The following PLAC1 variants were observed in gnomAD, a reference collection of about 807,000 sequenced individuals.
The protein encoded by PLAC1 is placenta associated 1.
For synonymous variants in PLAC1, 68 were observed against 62.1 expected (o/e 1.09, Z -0.44); for missense variants, 136 against 163.2 (o/e 0.83, Z 0.91).
At chrX:134,662,553 T>C (rs1468754805), upstream of PLAC1, among the ~76,000 whole-genome samples, 1 of 112,137 alleles carries the variant, frequency 8.9e-6, no homozygotes, top group African/African-American at 3.2e-5. Flanking sequence ...TTCCCCACAG[T>C]CTGTTTTTGT....
chrX:134,736,425 G>A (rs2078703292), intron 1 of PLAC1, among the ~76,000 whole-genome samples: 1 of 111,042 alleles, frequency 9.0e-6, no homozygotes, highest in Admixed American at 9.6e-5. Context: ...GGGAAGTCTA[G>A]ACTGATCCAG....
chrX:134,754,546 G>A (rs1327637362), intron 1 of PLAC1, among the ~76,000 whole-genome samples: 1 of 110,739 alleles, frequency 9.0e-6, no homozygotes, highest in Non-Finnish European at 1.9e-5. Context: ...CAAGTAACTC[G>A]CTCAACTTCT....
chrX:134,597,533 T>A (rs767980475), intron 2 of PLAC1, among the ~76,000 whole-genome samples: 7 of 112,408 alleles, frequency 6.2e-5, no homozygotes. Flanking sequence ...CTTGGTATGA[T>A]GAATGATTTT....
chrX:134,707,657 T>C (rs1412233977), intron 2 of PLAC1, among the ~76,000 whole-genome samples: 1 of 111,430 alleles, frequency 9.0e-6, no homozygotes, highest in Non-Finnish European at 1.9e-5. Flanking sequence ...CAGAAACAAG[T>C]GATAGAAGGA....
intron 2 of PLAC1, among the ~76,000 whole-genome samples, chrX:134,581,969 A>G (rs184097226): frequency 8.9e-6 from 1 of 112,126 alleles, no homozygotes; most frequent in East Asian, 2.8e-4. Flanking sequence ...CCCAGGGATT[A>G]GCATTTTCAC....
intron 2 of PLAC1, among the ~76,000 whole-genome samples, chrX:134,572,967 G>A (rs1368279597): frequency 9.0e-6 from 1 of 111,518 alleles, no homozygotes; most frequent in Non-Finnish European, 1.9e-5. Context: ...CACAAATAAA[G>A]GTTGCAAAAT....
chrX:134,647,023 T>C (rs1403005480), intron 1 of PLAC1, among the ~76,000 whole-genome samples: 1 of 112,157 alleles, frequency 8.9e-6, no homozygotes, highest in African/African-American at 3.2e-5. Flanking sequence ...TTTCAGATAG[T>C]GAGCCATGTC....
At chrX:134,595,175 A>C (rs1052203500) in intron 2 of PLAC1, among the ~76,000 whole-genome samples, 2 of 110,886 alleles carry the variant, frequency 1.8e-5, no homozygotes, top group Non-Finnish European at 3.8e-5. Flanking sequence ...TTTTCCTGTT[A>C]TCTGTCTGTT....
intron 1 of PLAC1, among the ~76,000 whole-genome samples, chrX:134,602,684 A>C (rs943030717): frequency 3.6e-5 from 4 of 111,924 alleles, no homozygotes; most frequent in Admixed American, 9.5e-5. Context: ...GAATCTCAAA[A>C]TAGTTATACT....
chrX:134,692,810 C>T (rs1381572203), intron 2 of PLAC1, among the ~76,000 whole-genome samples: 1 of 111,324 alleles, frequency 9.0e-6, no homozygotes, highest in Non-Finnish European at 1.9e-5. Flanking sequence ...CTCTCTCTCT[C>T]CCCCCACACG....
intron 2 of PLAC1, among the ~76,000 whole-genome samples, chrX:134,573,999 T>C (rs2077923902): frequency 9.0e-6 from 1 of 110,978 alleles, no homozygotes; most frequent in Non-Finnish European, 1.9e-5. Flanking sequence ...TGCGTGCATA[T>C]CGGAGTAGGT....
At chrX:134,713,474 G>C (rs765699892) in intron 2 of PLAC1, among the ~76,000 whole-genome samples, 3 of 111,497 alleles carry the variant, frequency 2.7e-5, no homozygotes, top group Non-Finnish European at 3.8e-5. Flanking sequence ...CACAAAATAG[G>C]TACATTCATT....
chrX:134,572,407 C>T (rs1316226341), intron 2 of PLAC1, among the ~76,000 whole-genome samples: 1 of 112,101 alleles, frequency 8.9e-6, no homozygotes, highest in African/African-American at 3.2e-5. Context: ...AATTAAATAA[C>T]TGCTTTTGTA....
At position 134,612,322 on chromosome X, in the gene PLAC1, C is replaced by T. The variant is rs181569196; in HGVS notation, c.-130-10200G>A. Among the ~76,000 whole-genome samples, 37 of 112,169 alleles carry T rather than the reference C, an allele frequency of 3.3e-4. 1 individual carries two copies. In the East Asian group the frequency reaches 0.01, roughly 31 times the overall value. On this transcript the variant is annotated intron_variant, in intron 1 of 2. Coordinates refer to ENST00000359237, the MANE Select transcript of PLAC1 (RefSeq NM_021796.4). ...CAATAGTACCTCACTTTTAAGGACACTGTGAAGATTAAATGAGATTATGTA... is the reference window on the plus strand; with the variant it reads ...CAATAGTACCTCACTTTTAAGGACATTGTGAAGATTAAATGAGATTATGTA...
At chrX:134,700,040 C>G (rs975119579) in intron 2 of PLAC1, among the ~76,000 whole-genome samples, 19 of 111,386 alleles carry the variant, frequency 1.7e-4, no homozygotes. Context: ...AGGTTCCTGC[C>G]TCCTAATTTT....
chrX:134,746,067 G>A (rs971256910), intron 1 of PLAC1, among the ~76,000 whole-genome samples: 3 of 111,746 alleles, frequency 2.7e-5, no homozygotes, highest in Non-Finnish European at 5.6e-5. Context: ...CTTGAGAATT[G>A]AAGACTCACC....
chrX:134,590,520 A>G (rs17000650), intron 2 of PLAC1, among the ~76,000 whole-genome samples: 11,949 of 112,055 alleles, frequency 0.11, 652 homozygotes, highest in African/African-American at 0.19. Flanking sequence ...ATTTGCGATA[A>G]ATGATACAAG....
intron 1 of PLAC1, among the ~76,000 whole-genome samples, chrX:134,656,816 G>A (rs2078393859): frequency 9.0e-6 from 1 of 111,601 alleles, no homozygotes; most frequent in African/African-American, 3.3e-5. Flanking sequence ...TGAACTCCTG[G>A]GCTTAAGTAA....
intron 2 of PLAC1, among the ~76,000 whole-genome samples, chrX:134,590,216 T>A (rs916878583): frequency 9.3e-6 from 1 of 107,135 alleles, no homozygotes; most frequent in Non-Finnish European, 2.0e-5. Flanking sequence ...AATAAATAAA[T>A]AATAAATAAA....
Sources: gnomAD v4.1 joint callset for allele counts (sites outside exome capture counted in the v4.1 genomes callset) on GRCh38, gnomAD v4.1.1 for gene constraint, MANE v1.5 for transcripts, NCBI Gene and HGNC (gene_info 2026-07-23, HGNC 2026-07-21) for gene names.